IQCM: variants seen among roughly 807,000 people sequenced by gnomAD.
IQCM encodes the protein IQ motif containing M, also known as IQ domain-containing protein M.
A neutral mutation model predicts 57.6 loss-of-function variants in IQCM; 45 were observed. The ratio of observed to expected loss-of-function variants is 0.78; its 90% CI spans 0.62 to 1.00. The LOEUF (loss-of-function observed/expected upper bound fraction) is 1.00. Among genes scored for constraint, IQCM ranks in the 50% least tolerant of loss-of-function variants. IQCM has a pLI of 0.00. For synonymous variants in IQCM, 148 were observed against 158.9 expected (o/e 0.93, Z 0.51); for missense variants, 468 against 511.6 (o/e 0.91, Z 0.82).
intron 8 of IQCM, among the ~76,000 whole-genome samples, chr4:149,593,685 G>A (rs186498131): frequency 2.0e-4 from 31 of 152,002 alleles, no homozygotes; most frequent in African/African-American, 6.8e-4. Flanking sequence ...GAATTTTGTC[G>A]ATGGCCTTTT....
chr4:149,613,275 T>C (rs573921425), intron 8 of IQCM, among the ~76,000 whole-genome samples: 4 of 152,100 alleles, frequency 2.6e-5, no homozygotes, highest in Non-Finnish European at 5.9e-5. Flanking sequence ...ATATGTTTTA[T>C]ATAATAAAAG....
Position 149,538,093 on chromosome 4 carries a change from T to C in IQCM, c.1228+10362A>G, listed in dbSNP as rs540040868. On this transcript the variant is annotated intron_variant, in intron 12 of 13. Transcript: ENST00000636793. ...TCTTTTATACACTTATATATGTTAG[T>C]TTTATATATATAACAGTATAAAAGA... Among the ~76,000 whole-genome samples, 6 of 151,560 alleles carry C rather than the reference T, an allele frequency of 4.0e-5. No homozygotes were observed. The South Asian group carries it at 1.0e-3, about 26-fold the overall frequency.
At chr4:149,507,063 T>A (rs770209353) in intron 12 of IQCM, among the ~76,000 whole-genome samples, 4 of 152,126 alleles carry the variant, frequency 2.6e-5, no homozygotes, top group Non-Finnish European at 5.9e-5. Flanking sequence ...AATGGGAGTT[T>A]TCTTGCGCAA....
chr4:149,480,025 T>C (rs1338812016), intron 12 of IQCM, among the ~76,000 whole-genome samples: 1 of 152,222 alleles, frequency 6.6e-6, no homozygotes, highest in African/African-American at 2.4e-5. Context: ...GAAAAGCCAT[T>C]GTCCAATATT....
intron 12 of IQCM, among the ~76,000 whole-genome samples, chr4:149,485,365 T>G (rs561062806): frequency 1.9e-3 from 284 of 152,110 alleles, no homozygotes; most frequent in African/African-American, 4.4e-3. Flanking sequence ...TTGAGGCTAT[T>G]TTCTACATCT....
At chr4:149,424,710 T>C (rs1049599743) in intron 13 of IQCM, among the ~76,000 whole-genome samples, 13 of 151,936 alleles carry the variant, frequency 8.6e-5, no homozygotes, top group African/African-American at 3.1e-4. Context: ...ACTGTAATGG[T>C]CACATGGAAT....
chr4:149,667,613 G>A (rs4552439), intron 7 of IQCM, among the ~76,000 whole-genome samples: 2,862 of 151,982 alleles, frequency 0.019, 85 homozygotes, highest in South Asian at 0.14. Flanking sequence ...TTCAGAAGGC[G>A]GGTAATAACA....
chr4:149,480,513 A>G (rs1383548090), intron 12 of IQCM, among the ~76,000 whole-genome samples: 1 of 152,126 alleles, frequency 6.6e-6, no homozygotes, highest in Non-Finnish European at 1.5e-5. Context: ...AGAACACGCA[A>G]TATTGGTATT....
At chr4:149,515,608 G>A (rs1175626653) in intron 12 of IQCM, among the ~76,000 whole-genome samples, 1 of 152,194 alleles carries the variant, frequency 6.6e-6, no homozygotes, top group Non-Finnish European at 1.5e-5. Context: ...GACAGGTGCA[G>A]CACTACAGCC....
chr4:149,674,108 T>G (rs1761545700), intron 7 of IQCM, among the ~76,000 whole-genome samples: 1 of 152,156 alleles, frequency 6.6e-6, no homozygotes, highest in South Asian at 2.1e-4. Context: ...GTTCACCATA[T>G]TCTCAGAAAA....
chr4:149,746,638 C>T (rs1303938304), intron 2 of IQCM, among the ~76,000 whole-genome samples: 1 of 152,204 alleles, frequency 6.6e-6, no homozygotes, highest in Non-Finnish European at 1.5e-5. Context: ...CACAACTCCA[C>T]ACAGAACTGA....
chr4:149,441,899 T>A (rs1735978648), intron 12 of IQCM, among the ~76,000 whole-genome samples: 1 of 152,118 alleles, frequency 6.6e-6, no homozygotes, highest in Admixed American at 6.6e-5. Context: ...TGGGTGGGAT[T>A]AATGCCCTAG....
At chr4:149,588,405 G>A (rs1167460868) in intron 8 of IQCM, among the ~76,000 whole-genome samples, 1 of 151,812 alleles carries the variant, frequency 6.6e-6, no homozygotes, top group Non-Finnish European at 1.5e-5. Flanking sequence ...TGCCAAATAT[G>A]CTCTGATAAT....
rs370335146 is a variant in IQCM at position 149,531,712 on chromosome 4, T to C, written c.1228+16743A>G. On this transcript the variant is annotated intron_variant, in intron 12 of 13. Coordinates refer to ENST00000636793, the MANE Select transcript of IQCM (RefSeq NM_001363507.2). Reference sequence around the variant, plus strand: ...GGATGTAAACTGGCAGCCATCAGTTTTTAAAATTAGTTATATGTAGCACTA... The same window carrying C: ...GGATGTAAACTGGCAGCCATCAGTTCTTAAAATTAGTTATATGTAGCACTA... 6.6e-5 allele frequency among the ~76,000 whole-genome samples: 10 copies of C among 152,236 alleles called. No homozygotes were observed. The East Asian group carries it at 1.9e-3, about 29-fold the overall frequency.
chr4:149,390,647 T>C (rs887045636), intron 13 of IQCM, among the ~76,000 whole-genome samples: 3 of 151,932 alleles, frequency 2.0e-5, no homozygotes. Context: ...TGTGTTGGAT[T>C]TTGTCACATA....
chr4:149,698,076 C>T (rs549116334), intron 5 of IQCM, among the ~76,000 whole-genome samples: 6 of 152,020 alleles, frequency 3.9e-5, no homozygotes, highest in African/African-American at 1.4e-4. Context: ...CTGTGCTAGA[C>T]GGGTTGTCTG....
chr4:149,432,851 A>C (rs1286209298), intron 13 of IQCM, among the ~76,000 whole-genome samples: 4 of 152,084 alleles, frequency 2.6e-5, no homozygotes, highest in Non-Finnish European at 5.9e-5. Context: ...AGACATACAA[A>C]TAGCGAATAC....
intron 12 of IQCM, among the ~76,000 whole-genome samples, chr4:149,493,365 A>G (rs1742300557): frequency 6.6e-6 from 1 of 152,132 alleles, no homozygotes; most frequent in African/African-American, 2.4e-5. Flanking sequence ...TAAAGACAAA[A>G]TTAGGATTTT....
At chr4:149,364,399 T>C (rs1729697875) in intron 13 of IQCM, among the ~76,000 whole-genome samples, 1 of 152,068 alleles carries the variant, frequency 6.6e-6, no homozygotes, top group Non-Finnish European at 1.5e-5. Flanking sequence ...CCAAGGGGTA[T>C]GGGAATTCTG....
Sources: allele counts gnomAD v4.1 joint callset (sites outside exome capture counted in the v4.1 genomes callset), GRCh38; gene constraint gnomAD v4.1.1; transcripts MANE v1.5; gene names NCBI Gene and HGNC (gene_info 2026-07-23, HGNC 2026-07-21).